The following AFG1L variants were observed in gnomAD, a reference collection of about 807,000 sequenced individuals.
AFG1L encodes the protein AFG1 like ATPase, also known as AFG1-like ATPase.
A neutral mutation model predicts 62.2 loss-of-function variants in AFG1L; 53 were observed. The observed-to-expected ratio is 0.85, with a 90% CI of 0.68 to 1.07. The LOEUF (loss-of-function observed/expected upper bound fraction) is 1.07. Ranked by LOEUF, AFG1L falls within the 50% of genes least tolerant of loss-of-function variation. AFG1L has a pLI of 0.00. For missense variants in AFG1L, 555 were observed against 590.5 expected (o/e 0.94, Z 0.62); for synonymous variants, 228 against 210.3 (o/e 1.08, Z -0.73).
chr6:108,397,246 G>A (rs1781355455), intron 6 of AFG1L, among the ~76,000 whole-genome samples: 1 of 152,126 alleles, frequency 6.6e-6, no homozygotes, highest in Non-Finnish European at 1.5e-5. Flanking sequence ...TCCTGCCTCA[G>A]TCTCCCAAGT....
At chr6:108,462,887 A>T (rs1772515676) in intron 8 of AFG1L, among the ~76,000 whole-genome samples, 1 of 152,232 alleles carries the variant, frequency 6.6e-6, no homozygotes, top group Admixed American at 6.5e-5. Context: ...TTTCATCTCC[A>T]AATAGATCAC....
chr6:108,301,512 A>G (rs1776999433), intron 1 of AFG1L, among the ~76,000 whole-genome samples: 1 of 152,222 alleles, frequency 6.6e-6, no homozygotes, highest in African/African-American at 2.4e-5. Flanking sequence ...TATTCAGGGT[A>G]GAGAGGAGCT....
At chr6:108,397,028 T>C (rs1781341209) in intron 6 of AFG1L, among the ~76,000 whole-genome samples, 1 of 152,050 alleles carries the variant, frequency 6.6e-6, no homozygotes, top group African/African-American at 2.4e-5. Context: ...TCATTCTTTT[T>C]TGTTTTTGTT....
intron 10 of AFG1L, among the ~76,000 whole-genome samples, chr6:108,485,486 GT>G (rs1480105869): frequency 6.6e-6 from 1 of 150,684 alleles, no homozygotes; most frequent in Admixed American, 6.6e-5. Context: ...AAGTCCTCAT[GT>G]TTGTTTTCAG....
chr6:108,487,052 A>T (rs1381792580), intron 10 of AFG1L, among the ~76,000 whole-genome samples: 1 of 152,154 alleles, frequency 6.6e-6, no homozygotes, highest in Non-Finnish European at 1.5e-5. Flanking sequence ...TGCCTATGTT[A>T]TGAGGAATAT....
chr6:108,486,546 C>T (rs1284875355), intron 10 of AFG1L, among the ~76,000 whole-genome samples: 1 of 151,992 alleles, frequency 6.6e-6, no homozygotes, highest in Non-Finnish European at 1.5e-5. Flanking sequence ...TGAGAAAAAA[C>T]TAGAAAGGAG....
At chr6:108,377,009 C>T (rs755010427) in intron 6 of AFG1L, among the ~76,000 whole-genome samples, 4 of 151,810 alleles carry the variant, frequency 2.6e-5, no homozygotes, top group African/African-American at 9.7e-5. Flanking sequence ...ATGTTTTTGC[C>T]GTTGTTGGTT....
intron 8 of AFG1L, among the ~76,000 whole-genome samples, chr6:108,462,308 A>G (rs1392288591): frequency 1.3e-5 from 2 of 151,000 alleles, no homozygotes; most frequent in Non-Finnish European, 3.0e-5. Flanking sequence ...AGAGGCTGAG[A>G]TGGGAGAATC....
intron 6 of AFG1L, among the ~76,000 whole-genome samples, chr6:108,367,238 C>T (rs941490557): frequency 6.6e-6 from 1 of 152,110 alleles, no homozygotes; most frequent in Non-Finnish European, 1.5e-5. Context: ...TTCTCAGCAC[C>T]TATAACAGTG....
intron 7 of AFG1L, among the ~76,000 whole-genome samples, chr6:108,432,611 A>G (rs1208811115): frequency 6.6e-6 from 1 of 152,202 alleles, no homozygotes; most frequent in East Asian, 1.9e-4. Flanking sequence ...CCCATGGTGG[A>G]CATTGTAGTT....
intron 7 of AFG1L, among the ~76,000 whole-genome samples, chr6:108,415,836 A>G (rs1359055682): frequency 1.3e-5 from 2 of 152,228 alleles, no homozygotes; most frequent in African/African-American, 2.4e-5. Flanking sequence ...AACCTAGGCA[A>G]TACCATTTAG....
intron 8 of AFG1L, among the ~76,000 whole-genome samples, chr6:108,470,973 C>T (rs985221458): frequency 6.6e-6 from 1 of 152,138 alleles, no homozygotes; most frequent in Non-Finnish European, 1.5e-5. Context: ...CCTTGCAGAG[C>T]TCATTGTATG....
intron 10 of AFG1L, among the ~76,000 whole-genome samples, chr6:108,498,460 A>G (rs1177883894): frequency 6.6e-6 from 1 of 152,206 alleles, no homozygotes; most frequent in African/African-American, 2.4e-5. Context: ...ATTTTTAAAT[A>G]ATGAATGCTT....
chr6:108,393,242 A>G (rs1781135279), intron 6 of AFG1L, among the ~76,000 whole-genome samples: 1 of 152,240 alleles, frequency 6.6e-6, no homozygotes, highest in South Asian at 2.1e-4. Flanking sequence ...ATAATATTAA[A>G]CAGCTAATAT....
At chr6:108,310,994 T>C (rs1777382803) in intron 1 of AFG1L, among the ~76,000 whole-genome samples, 3 of 152,176 alleles carry the variant, frequency 2.0e-5, no homozygotes, top group African/African-American at 7.2e-5. Context: ...GATAGTAAAA[T>C]GTGTTTCTCT....
intron 8 of AFG1L, among the ~76,000 whole-genome samples, chr6:108,460,274 G>A (rs1772403124): frequency 6.6e-6 from 1 of 152,030 alleles, no homozygotes; most frequent in African/African-American, 2.4e-5. Context: ...AGAGAGAGAT[G>A]GATAGGGAAC....
chr6:108,408,834 C>CT (rs1267489179), intron 7 of AFG1L, among the ~76,000 whole-genome samples: 19 of 149,198 alleles, frequency 1.3e-4, no homozygotes, highest in Non-Finnish European at 2.2e-4. Flanking sequence ...TTTCTTTTTT[C>CT]TTTTTTTTTA....
chr6:108,328,432 A>G (rs764115907), intron 2 of AFG1L, among the ~76,000 whole-genome samples: 3 of 151,836 alleles, frequency 2.0e-5, no homozygotes, highest in Non-Finnish European at 4.4e-5. Flanking sequence ...GTCTCACTCT[A>G]TTGCCTAGCT....
At chr6:108,486,811 TC>T (rs1773591724) in intron 10 of AFG1L, among the ~76,000 whole-genome samples, 1 of 152,114 alleles carries the variant, frequency 6.6e-6, no homozygotes, top group Non-Finnish European at 1.5e-5. Flanking sequence ...TTCAAGCAAT[TC>T]CTGTGCCTCA....
Sources: gnomAD v4.1 joint callset for allele counts (sites outside exome capture counted in the v4.1 genomes callset) on GRCh38, gnomAD v4.1.1 for gene constraint, MANE v1.5 for transcripts, NCBI Gene and HGNC (gene_info 2026-07-23, HGNC 2026-07-21) for gene names.